SECISBP2L: variants seen among roughly 807,000 people sequenced by gnomAD.
SECISBP2L encodes selenocysteine insertion sequence-binding protein 2-like.
In SECISBP2L, 43 loss-of-function variants were observed where a neutral mutation model predicts 114.7. That is an observed-to-expected ratio of 0.38 (90% CI 0.29 to 0.48). The LOEUF (loss-of-function observed/expected upper bound fraction) is 0.48. SECISBP2L is among the 20% of genes least tolerant of loss of function. The probability of loss-of-function intolerance (pLI) is 0.98; values close to 1 mark genes in which losing one functional copy is unlikely to be tolerated. For synonymous variants in SECISBP2L, 451 were observed against 439.7 expected (o/e 1.03, Z -0.32); for missense variants, 1,136 against 1,301.1 (o/e 0.87, Z 1.95).
chr15:49,026,987 C>T (rs1164467720), intron 7 of SECISBP2L, among the ~76,000 whole-genome samples: 2 of 152,160 alleles, frequency 1.3e-5, no homozygotes, highest in Non-Finnish European at 2.9e-5. Flanking sequence ...AGGGTATTTA[C>T]AGTCAAGTAA....
chr15:49,025,136 C>T (rs1284111735), intron 7 of SECISBP2L, among the ~76,000 whole-genome samples: 1 of 152,136 alleles, frequency 6.6e-6, no homozygotes, highest in Non-Finnish European at 1.5e-5. Flanking sequence ...AATGATTCCC[C>T]TTTTAGCTCT....
intron 16 of SECISBP2L, 23 bp downstream of exon 16, chr15:48,999,810 G>C: frequency 6.2e-7 from 1 of 1,610,038 alleles, no homozygotes; most frequent in Non-Finnish European, 8.5e-7. Context: ...GAGAGCAAGA[G>C]TGTGTGTCTT....
intron 14 of SECISBP2L, among the ~76,000 whole-genome samples, chr15:49,008,143 T>G (rs1022021162): frequency 6.6e-6 from 1 of 152,220 alleles, no homozygotes; most frequent in African/African-American, 2.4e-5. Flanking sequence ...ATAGGGAGAA[T>G]TGGTGTTTCT....
Position 49,018,464 on chromosome 15 carries a change from G to T in SECISBP2L, c.1171-836C>A, listed in dbSNP as rs540376485. Among the ~76,000 whole-genome samples the T allele has an allele frequency of 5.9e-5, 9 of 152,018 alleles. No homozygotes were observed. In the South Asian group the frequency reaches 1.9e-3, roughly 32 times the overall value. ...GTAGAGATGGGGTTTCACCACGTTG[G>T]CCAGGCTGGTCTCGAACTCCTGACC... On this transcript the variant is annotated intron_variant, in intron 8 of 17. Coordinates refer to ENST00000559471, the MANE Select transcript of SECISBP2L (RefSeq NM_001193489.2).
chr15:48,993,694 T>G (rs1483856201), intron 17 of SECISBP2L, among the ~76,000 whole-genome samples: 1 of 151,650 alleles, frequency 6.6e-6, no homozygotes, highest in African/African-American at 2.4e-5. Flanking sequence ...ATAATATATA[T>G]ATATATATAG....
intron 4 of SECISBP2L, among the ~76,000 whole-genome samples, chr15:49,030,269 C>T (rs1902858819): frequency 6.6e-6 from 1 of 152,154 alleles, no homozygotes; most frequent in Non-Finnish European, 1.5e-5. Flanking sequence ...CCAAGCAGGA[C>T]TTGTTACCTG....
chr15:49,025,446 G>C (rs532299496), intron 7 of SECISBP2L, among the ~76,000 whole-genome samples: 1 of 152,124 alleles, frequency 6.6e-6, no homozygotes, highest in Non-Finnish European at 1.5e-5. Context: ...TATGCACATA[G>C]CCGGAAGGTA....
Position 49,016,662 on chromosome 15 carries a change from G to T in SECISBP2L, c.1459C>A (p.Pro487Thr). 1 of 1,602,160 alleles carries T rather than the reference G, an allele frequency of 6.2e-7. No homozygotes were observed. Among genetic ancestry groups the T allele is most frequent in the Non-Finnish European group, 8.5e-7 (1 of 1,175,278 alleles). Residue 487 changes from proline (P) to threonine (T), a missense_variant, in exon 11 of 18, where the codon CCT becomes ACT. Pro to Thr is a conservative substitution (Grantham distance 38, BLOSUM62 -1). Coordinates refer to ENST00000559471, the MANE Select transcript of SECISBP2L (RefSeq NM_001193489.2). ...SKAAGKKNKTPVQLDLGDMLA... is the reference protein window; with the variant it reads ...SKAAGKKNKTTVQLDLGDMLA... ...ATGTCCCCTAAATCTAGCTGCACAGGTGTTTTATTCTTTTTTCCAGCTGCT... is the reference window on the plus strand; with the variant it reads ...ATGTCCCCTAAATCTAGCTGCACAGTTGTTTTATTCTTTTTTCCAGCTGCT...
intron 8 of SECISBP2L, among the ~76,000 whole-genome samples, chr15:49,018,449 G>C (rs1902580434): frequency 6.6e-6 from 1 of 151,878 alleles, no homozygotes; most frequent in African/African-American, 2.4e-5. Flanking sequence ...GTAGAGATGG[G>C]GTTTCACCAC....
intron 6 of SECISBP2L, 126 bp from the exon 7 acceptor site, chr15:49,027,606 T>C: frequency 2.3e-6 from 1 of 426,594 alleles, no homozygotes; most frequent in Non-Finnish European, 4.1e-6. Flanking sequence ...CTATAAACCT[T>C]ATTATTTTTT....
rs1048632675 is a variant in SECISBP2L, at chr15:49,009,196, A to G, written c.2027+20T>C. ...AAGATCCTTAAACTATTCAACCTCA[A>G]TAATGAGTATAAAACTTACTCTCTA... On this transcript the variant is annotated intron_variant, in intron 14 of 17. Transcript: ENST00000559471. 6.2e-7 allele frequency: 1 copy of G among 1,611,802 alleles called. No homozygotes were observed. The highest frequency in any genetic ancestry group is 1.7e-4 in the Middle Eastern group (1 of 6,028).
At chr15:48,995,825 T>C (rs1902073784) in intron 17 of SECISBP2L, 1 of 152,712 alleles carries the variant, frequency 6.5e-6, no homozygotes. Context: ...TGCTAGGTTT[T>C]ATAAGCCTAG....
At chr15:49,034,896 C>T (rs980447295) in intron 3 of SECISBP2L, among the ~76,000 whole-genome samples, 5 of 152,032 alleles carry the variant, frequency 3.3e-5, no homozygotes, top group African/African-American at 1.2e-4. Flanking sequence ...CTCTTGGGCT[C>T]AAGCGACTAG....
intron 7 of SECISBP2L, among the ~76,000 whole-genome samples, chr15:49,026,906 G>C (rs1902754991): frequency 3.3e-5 from 5 of 152,152 alleles, no homozygotes; most frequent in Admixed American, 2.0e-4. Context: ...TTGTTCCTCT[G>C]GGCCTCAGGA....
intron 14 of SECISBP2L, among the ~76,000 whole-genome samples, chr15:49,006,083 T>G (rs111490194): frequency 0.016 from 2,367 of 152,318 alleles, 70 homozygotes; most frequent in African/African-American, 0.054. Flanking sequence ...GGCCCCACTC[T>G]CTTCTGGCTT....
intron 13 of SECISBP2L, among the ~76,000 whole-genome samples, chr15:49,011,050 A>C (rs2141068649): frequency 6.6e-6 from 1 of 152,356 alleles, no homozygotes; most frequent in Admixed American, 6.5e-5. Flanking sequence ...CCCAGTGAAC[A>C]ATCTTTAGAA....
In SECISBP2L at chr15:49,003,026, TAA is replaced by T. The variant is rs746672785; in HGVS notation, c.2028-1931_2028-1930del. ...CTTGATGGGGATAGCACTGAATCTA[TAA>T]ATTACTTTGGGCAGTATGGCCATTT... On this transcript the variant is annotated intron_variant, in intron 14 of 17. Transcript: ENST00000559471. Among the ~76,000 whole-genome samples the T allele has an allele frequency of 9.9e-5, 15 of 152,230 alleles. 1 individual carries two copies. Among genetic ancestry groups the T allele is most frequent in the Admixed American group, 2.0e-4 (3 of 15,286 alleles).
At chr15:49,001,127 C>T (rs1356653875) in intron 14 of SECISBP2L, 30 bp from the exon 15 acceptor site, 5 of 1,475,028 alleles carry the variant, frequency 3.4e-6, no homozygotes, top group Non-Finnish European at 4.6e-6. Context: ...TGGGTAACTC[C>T]ATCCTAATTT....
intron 4 of SECISBP2L, among the ~76,000 whole-genome samples, chr15:49,029,898 T>TA (rs1566860975): frequency 3.1e-5 from 2 of 65,058 alleles, no homozygotes; most frequent in Non-Finnish European, 6.7e-5. Flanking sequence ...ATGAGGCTGA[T>TA]CTTTTTTTTT....
Sources: allele counts gnomAD v4.1 joint callset (sites outside exome capture counted in the v4.1 genomes callset), GRCh38; gene constraint gnomAD v4.1.1; transcripts MANE v1.5; gene names NCBI Gene and HGNC (gene_info 2026-07-23, HGNC 2026-07-21).